Variants in TRDN observed in about 807,000 individuals in gnomAD.
TRDN encodes the protein triadin in skeletal muscle.
In TRDN, 161 loss-of-function variants were observed where a neutral mutation model predicts 149.7. The observed-to-expected ratio is 1.08, with a 90% CI of 0.95 to 1.23. The LOEUF (loss-of-function observed/expected upper bound fraction) is 1.23. TRDN is among the 50% of genes most tolerant of loss of function. The probability of loss-of-function intolerance (pLI) is 0.00; values close to 1 mark genes in which losing one functional copy is unlikely to be tolerated. For missense variants in TRDN, 896 were observed against 823.5 expected (o/e 1.09, Z -1.08); for synonymous variants, 294 against 250.5 (o/e 1.17, Z -1.64).
At chr6:123,303,099 A>G (rs1476347266) in intron 24 of TRDN, among the ~76,000 whole-genome samples, 4 of 152,134 alleles carry the variant, frequency 2.6e-5, no homozygotes, top group South Asian at 2.1e-4. Flanking sequence ...GCTGAGACTT[A>G]GAAGTTAAAT....
intron 20 of TRDN, among the ~76,000 whole-genome samples, chr6:123,364,716 G>A (rs774109105): frequency 2.6e-5 from 4 of 152,104 alleles, no homozygotes; most frequent in South Asian, 2.1e-4. Context: ...TGGACATCTT[G>A]TTGCTTTTAG....
Position 123,267,735 on chromosome 6 carries a change from T to A in TRDN, c.1755A>T (p.Arg585=). The A allele has an allele frequency of 1.3e-6, 2 of 1,580,786 alleles. No homozygotes were observed. Among genetic ancestry groups the A allele is most frequent in the Non-Finnish European group, 1.7e-6 (2 of 1,162,586 alleles). ...KPKPTKKAEH[R]EREPPSIKTD... ...TTTTTATAGATGGAGGTTCTCTTTC[T>A]CGATGTTCAGCTTTTTCTAGAGAAA... Residue 585 remains arginine (R), a synonymous_variant, in exon 32 of 41, where the codon CGA becomes CGT. Transcript: ENST00000334268.
chr6:123,267,856 C>A, intron 31 of TRDN, 105 bp from the exon 32 acceptor site: 3 of 750,570 alleles, frequency 4.0e-6, no homozygotes, highest in Non-Finnish European at 6.1e-6. Flanking sequence ...GAGGCATGCC[C>A]CAAAGTCATT....
At chr6:123,448,920 C>A (rs1211300914) in intron 10 of TRDN, among the ~76,000 whole-genome samples, 2 of 152,154 alleles carry the variant, frequency 1.3e-5, no homozygotes, top group African/African-American at 4.8e-5. Flanking sequence ...ACCCCAGTAC[C>A]AGCCCAGAGC....
intron 4 of TRDN, among the ~76,000 whole-genome samples, chr6:123,540,631 C>T (rs1178223566): frequency 2.6e-5 from 4 of 152,170 alleles, no homozygotes; most frequent in Admixed American, 1.3e-4. Flanking sequence ...GCCATTCTCC[C>T]GCCTCAGCCT....
chr6:123,535,632 T>C lies in TRDN; in HGVS notation c.425-5067A>G, dbSNP rs146237410. Among the ~76,000 whole-genome samples, 4 of 152,276 alleles carry C rather than the reference T, an allele frequency of 2.6e-5. No individual in the cohort carries two copies. The East Asian group carries it at 7.7e-4, about 29-fold the overall frequency. On this transcript the variant is annotated intron_variant, in intron 4 of 40. Transcript: ENST00000334268. ...TTCATGGTTTATCATTCAATGGCGATAGCAATGAAATATATCTTCCTCACA... is the reference window on the plus strand; with the variant it reads ...TTCATGGTTTATCATTCAATGGCGACAGCAATGAAATATATCTTCCTCACA...
At position 123,512,183 on chromosome 6, in the gene TRDN, C is replaced by T. The variant is rs368614875; in HGVS notation, c.610+120G>A. ...AGATATTAAATTTTAAAGGTAAGAC[C>T]AAATTAACTTTTTAATATAAATGAT... is the stretch of plus-strand genomic sequence containing the variant. On this transcript the variant is annotated intron_variant, in intron 7 of 40. Coordinates refer to ENST00000334268, the MANE Select transcript of TRDN (RefSeq NM_006073.4). 17 of 556,490 alleles carry T rather than the reference C, an allele frequency of 3.1e-5. No individual in the cohort carries two copies. In the East Asian group the frequency reaches 3.7e-4, roughly 12 times the overall value. 34.5% of individuals were successfully genotyped at this position (556,490 alleles called of 1,614,324 possible).
intron 38 of TRDN, among the ~76,000 whole-genome samples, chr6:123,250,185 A>G (rs181621528): frequency 6.6e-5 from 10 of 152,262 alleles, no homozygotes; most frequent in Non-Finnish European, 1.3e-4. Context: ...GATTAAAGAA[A>G]TTGACGAGAA....
intron 1 of TRDN, among the ~76,000 whole-genome samples, chr6:123,627,317 A>C (rs1785729937): frequency 6.6e-6 from 1 of 152,216 alleles, no homozygotes; most frequent in East Asian, 1.9e-4. Flanking sequence ...TTAGGCACGA[A>C]AACAACATTA....
At chr6:123,609,341 C>T (rs1784679368) in intron 1 of TRDN, among the ~76,000 whole-genome samples, 1 of 152,130 alleles carries the variant, frequency 6.6e-6, no homozygotes, top group African/African-American at 2.4e-5. Flanking sequence ...CATCATAAAA[C>T]ATTAGTCAGC....
intron 12 of TRDN, among the ~76,000 whole-genome samples, chr6:123,397,728 A>G (rs1772792685): frequency 6.6e-6 from 1 of 152,202 alleles, no homozygotes; most frequent in Admixed American, 6.5e-5. Context: ...GGTAACCCAC[A>G]TTGCAATTGG....
intron 24 of TRDN, among the ~76,000 whole-genome samples, chr6:123,283,644 G>T (rs1338606575): frequency 6.6e-6 from 1 of 151,290 alleles, no homozygotes; most frequent in Non-Finnish European, 1.5e-5. Flanking sequence ...CAAAAATATG[G>T]AAGATTATTC....
intron 38 of TRDN, among the ~76,000 whole-genome samples, chr6:123,231,359 T>C (rs1236949603): frequency 2.6e-5 from 4 of 151,920 alleles, no homozygotes; most frequent in African/African-American, 7.3e-5. Context: ...ATCAAAGAAG[T>C]TTTTTATGGA....
intron 9 of TRDN, among the ~76,000 whole-genome samples, chr6:123,473,690 G>C (rs995588293): frequency 8.6e-5 from 13 of 151,544 alleles, no homozygotes; most frequent in African/African-American, 2.9e-4. Flanking sequence ...AGGGCAGCCA[G>C]AGAGAAAGGT....
intron 1 of TRDN, among the ~76,000 whole-genome samples, chr6:123,589,008 A>G (rs1480765170): frequency 6.6e-6 from 1 of 152,142 alleles, no homozygotes; most frequent in Non-Finnish European, 1.5e-5. Context: ...TAGGGATAAA[A>G]ATTAACAGGA....
In TRDN at chr6:123,216,635, T is replaced by C. The variant is rs187387580; in HGVS notation, c.*1966A>G. ...ATTTACTTTAATATCATATTTATATTAAAATATTTTATTTGTCTCCATGGT... is the reference window on the plus strand; with the variant it reads ...ATTTACTTTAATATCATATTTATATCAAAATATTTTATTTGTCTCCATGGT... On this transcript the variant is annotated 3_prime_UTR_variant, in exon 41 of 41. Coordinates refer to ENST00000334268, the MANE Select transcript of TRDN (RefSeq NM_006073.4). 4.5e-4 allele frequency: 69 copies of C among 152,050 alleles called. 1 individual carries two copies. Among genetic ancestry groups the C allele is most frequent in the African/African-American group, 1.6e-3 (67 of 41,540 alleles). 9.4% of individuals were successfully genotyped at this position (152,050 alleles called of 1,614,324 possible).
intron 10 of TRDN, among the ~76,000 whole-genome samples, chr6:123,454,890 G>T (rs1407920405): frequency 6.6e-6 from 1 of 152,170 alleles, no homozygotes; most frequent in Non-Finnish European, 1.5e-5. Context: ...CCAGGAACCA[G>T]GTTCCTGGTG....
intron 6 of TRDN, 82 bp downstream of exon 6, chr6:123,516,059 C>T: frequency 7.9e-7 from 1 of 1,268,954 alleles, no homozygotes; most frequent in Non-Finnish European, 1.0e-6. Context: ...ACTGCGTGGT[C>T]ATCTAAAATC....
At chr6:123,284,556 T>G (rs1454116578) in intron 24 of TRDN, among the ~76,000 whole-genome samples, 1 of 152,030 alleles carries the variant, frequency 6.6e-6, no homozygotes, top group Non-Finnish European at 1.5e-5. Context: ...ACAGCCAGCG[T>G]AACACTGAAT....
Sources: gnomAD v4.1 joint callset for allele counts (sites outside exome capture counted in the v4.1 genomes callset) on GRCh38, gnomAD v4.1.1 for gene constraint, MANE v1.5 for transcripts, NCBI Gene and HGNC (gene_info 2026-07-23, HGNC 2026-07-21) for gene names.